RANBP17: variants seen among roughly 807,000 people sequenced by gnomAD.
RANBP17 encodes ran-binding protein 17.
A neutral mutation model predicts 141.2 loss-of-function variants in RANBP17; 158 were observed. That is an observed-to-expected ratio of 1.12 (90% CI 0.98 to 1.28). The LOEUF is 1.28. Among genes scored for constraint, RANBP17 ranks in the 50% most tolerant of loss-of-function variants. The pLI, the probability that RANBP17 is intolerant of heterozygous loss-of-function variation, is 0.00. For synonymous variants in RANBP17, 430 were observed against 450.0 expected, an observed-to-expected ratio of 0.96 and a Z score of 0.56; for missense variants, 1,438 against 1,290.7, an observed-to-expected ratio of 1.11 and a Z score of -1.75.
intron 1 of RANBP17, among the ~76,000 whole-genome samples, chr5:170,872,981 G>A (rs1340582827): frequency 6.6e-6 from 1 of 151,854 alleles, no homozygotes; most frequent in African/African-American, 2.4e-5. Context: ...GTGCAATCTT[G>A]GCTCGCTGCA....
chr5:170,922,833 C>T (rs1270902295), intron 11 of RANBP17, among the ~76,000 whole-genome samples: 1 of 152,076 alleles, frequency 6.6e-6, no homozygotes, highest in Admixed American at 6.6e-5. Flanking sequence ...CACCCACTGT[C>T]GAACCAGTCC....
At chr5:171,204,625 G>C (rs566053979) in intron 19 of RANBP17, among the ~76,000 whole-genome samples, 1 of 152,020 alleles carries the variant, frequency 6.6e-6, no homozygotes, top group African/African-American at 2.4e-5. Context: ...TCTTTGTTCC[G>C]ACATTCTAGC....
intron 14 of RANBP17, among the ~76,000 whole-genome samples, chr5:171,005,701 A>G (rs1779550629): frequency 1.3e-5 from 2 of 152,234 alleles, no homozygotes; most frequent in Non-Finnish European, 2.9e-5. Context: ...CTTCATGTCT[A>G]AAACACCAAA....
intron 14 of RANBP17, among the ~76,000 whole-genome samples, chr5:171,167,575 C>T (rs1318879648): frequency 4.6e-5 from 7 of 151,970 alleles, no homozygotes; most frequent in Non-Finnish European, 1.0e-4. Flanking sequence ...TCCTGTGTAC[C>T]ATCAAAGAAT....
chr5:171,003,310 G>A (rs1214428075), intron 14 of RANBP17, among the ~76,000 whole-genome samples: 2 of 152,152 alleles, frequency 1.3e-5, no homozygotes, highest in African/African-American at 4.8e-5. Flanking sequence ...AGAGGAGTGG[G>A]GAAAGGATTT....
At chr5:171,053,509 C>T (rs1430179772) in intron 14 of RANBP17, among the ~76,000 whole-genome samples, 1 of 151,792 alleles carries the variant, frequency 6.6e-6, no homozygotes, top group African/African-American at 2.4e-5. Flanking sequence ...TTAAAATTTT[C>T]CTTTTGGATT....
At chr5:171,088,003 C>G (rs1165460656) in intron 14 of RANBP17, among the ~76,000 whole-genome samples, 5 of 151,120 alleles carry the variant, frequency 3.3e-5, no homozygotes, top group Non-Finnish European at 7.4e-5. Context: ...TTGATCCTGT[C>G]ATTATGATGT....
At chr5:170,922,528 AC>A (rs1469670028) in intron 11 of RANBP17, among the ~76,000 whole-genome samples, 1 of 150,926 alleles carries the variant, frequency 6.6e-6, no homozygotes, top group Non-Finnish European at 1.5e-5. Flanking sequence ...GCAATGGCGG[AC>A]CCCCCTTCCC....
intron 14 of RANBP17, among the ~76,000 whole-genome samples, chr5:171,053,879 AT>A (rs1783142524): frequency 3.0e-3 from 6 of 1,996 alleles, no homozygotes; most frequent in Non-Finnish European, 2.9e-3. Flanking sequence ...TGTTTAGTTC[AT>A]ATATATATAT....
intron 14 of RANBP17, among the ~76,000 whole-genome samples, chr5:171,064,356 A>T (rs929739371): frequency 6.6e-6 from 1 of 152,222 alleles, no homozygotes. Context: ...TGCTAATTTG[A>T]TGGGTGAAAA....
At chr5:171,038,063 G>A (rs995466914) in intron 14 of RANBP17, among the ~76,000 whole-genome samples, 2 of 151,834 alleles carry the variant, frequency 1.3e-5, no homozygotes, top group African/African-American at 4.8e-5. Context: ...AGCATGCAAT[G>A]TTTCTCCATT....
At chr5:171,197,482 C>T (rs1045122090) in intron 18 of RANBP17, among the ~76,000 whole-genome samples, 1 of 152,186 alleles carries the variant, frequency 6.6e-6, no homozygotes, top group Non-Finnish European at 1.5e-5. Context: ...GACCTGTTTA[C>T]TGCCGAGCCC....
Position 171,218,724 on chromosome 5 carries a change from C to CT in RANBP17, c.2340-3022dup, listed in dbSNP as rs201748300. Among the ~76,000 whole-genome samples, 89 of 144,262 alleles carry CT rather than the reference C, an allele frequency of 6.2e-4. No homozygotes were observed. In the Middle Eastern group the frequency reaches 0.011, roughly 18 times the overall value. The allele number at this position is 144,262 out of a possible 152,430, so 94.6% of individuals were successfully genotyped here. A position where few individuals can be genotyped will look rare whatever the true frequency, so the allele number is the denominator to read the frequency against. On this transcript the variant is annotated intron_variant, in intron 21 of 27. Coordinates refer to ENST00000523189, the MANE Select transcript of RANBP17 (RefSeq NM_022897.5). ...TTTTATCAGAGACTAGATTGCCACC[C>CT]TTTTTTTTTTTTCCTTTCCATTTGC... is the stretch of plus-strand genomic sequence containing the variant.
At chr5:171,156,694 T>C (rs1258766951) in intron 14 of RANBP17, among the ~76,000 whole-genome samples, 1 of 152,208 alleles carries the variant, frequency 6.6e-6, no homozygotes, top group African/African-American at 2.4e-5. Flanking sequence ...TATCGGTAGC[T>C]TCTTTATTGC....
At chr5:170,980,698 C>G (rs779352221) in intron 14 of RANBP17, among the ~76,000 whole-genome samples, 2 of 152,198 alleles carry the variant, frequency 1.3e-5, no homozygotes, top group Non-Finnish European at 2.9e-5. Context: ...TATAGAAATG[C>G]TTGGATGTCC....
At chr5:170,960,539 A>T (rs190260619) in intron 13 of RANBP17, among the ~76,000 whole-genome samples, 1 of 152,176 alleles carries the variant, frequency 6.6e-6, no homozygotes, top group African/African-American at 2.4e-5. Flanking sequence ...TCTAGCATTC[A>T]TATAGTCATC....
chr5:171,187,468 G>T (rs748635925), intron 18 of RANBP17, among the ~76,000 whole-genome samples: 1 of 151,566 alleles, frequency 6.6e-6, no homozygotes, highest in Non-Finnish European at 1.5e-5. Context: ...TGTGGTATCT[G>T]TGAAGCACAA....
intron 12 of RANBP17, among the ~76,000 whole-genome samples, chr5:170,936,640 C>G (rs922229887): frequency 1.3e-5 from 2 of 151,804 alleles, no homozygotes; most frequent in African/African-American, 4.8e-5. Flanking sequence ...GTCATATGAC[C>G]CAGAATATTG....
chr5:171,173,897 G>A (rs1423167123), intron 16 of RANBP17, among the ~76,000 whole-genome samples: 3 of 152,106 alleles, frequency 2.0e-5, no homozygotes, highest in African/African-American at 4.8e-5. Flanking sequence ...TGTATGTCCT[G>A]AGCAGAAAAG....
Sources: gnomAD v4.1 joint callset for allele counts (sites outside exome capture counted in the v4.1 genomes callset) on GRCh38, gnomAD v4.1.1 for gene constraint, MANE v1.5 for transcripts, NCBI Gene and HGNC (gene_info 2026-07-23, HGNC 2026-07-21) for gene names.